Variants in PCSK5 observed in about 807,000 individuals in gnomAD.
PCSK5 encodes the protein prohormone convertase 5.
PCSK5 carries 129 observed loss-of-function variants against 233.2 expected under a neutral mutation model. That is an observed-to-expected ratio of 0.55 (90% CI 0.48 to 0.64). The LOEUF (loss-of-function observed/expected upper bound fraction) is 0.64. PCSK5 is among the 30% of genes least tolerant of loss of function. The probability of loss-of-function intolerance (pLI) is 0.00; values close to 1 mark genes in which losing one functional copy is unlikely to be tolerated. For synonymous variants in PCSK5, 825 were observed against 879.2 expected (o/e 0.94, Z 1.09); for missense variants, 2,076 against 2,430.1 (o/e 0.85, Z 3.06).
At chr9:76,026,588 CT>C (rs1343393396) in intron 4 of PCSK5, among the ~76,000 whole-genome samples, 1 of 152,076 alleles carries the variant, frequency 6.6e-6, no homozygotes, top group Non-Finnish European at 1.5e-5. Context: ...GAATAAATCA[CT>C]TTGTGCCTAG....
At chr9:75,977,246 G>A (rs891992044) in intron 2 of PCSK5, among the ~76,000 whole-genome samples, 12 of 151,976 alleles carry the variant, frequency 7.9e-5, no homozygotes, top group African/African-American at 2.7e-4. Flanking sequence ...TAAGTTCAGG[G>A]GTACTTGTGC....
At chr9:76,178,411 T>G (rs117912933) in intron 14 of PCSK5, among the ~76,000 whole-genome samples, 3,581 of 152,292 alleles carry the variant, frequency 0.024, 88 homozygotes, top group Non-Finnish European at 0.032. Context: ...TACCTAAGTA[T>G]CAGGGCCTAT....
At chr9:76,023,244 C>T (rs983381992) in intron 3 of PCSK5, among the ~76,000 whole-genome samples, 6 of 152,084 alleles carry the variant, frequency 3.9e-5, no homozygotes, top group African/African-American at 1.4e-4. Context: ...GAGCTGGTGG[C>T]GGAGAGATTT....
At position 76,317,261 on chromosome 9, in the gene PCSK5, G is replaced by T. The variant is rs373708614; in HGVS notation, c.3885-4161G>T. On this transcript the variant is annotated intron_variant, in intron 30 of 37. Transcript: ENST00000674117. ...GCCTGTAGTCCCAGCTACTCAGGAG[G>T]CTGAGGCAGGAGAATCACTTCAACC... 2.0e-5 allele frequency among the ~76,000 whole-genome samples: 3 copies of T among 152,272 alleles called. No individual in the cohort carries two copies. In the East Asian group the frequency reaches 5.8e-4, roughly 29 times the overall value.
chr9:76,194,046 T>C (rs1824562867), intron 20 of PCSK5: 1 of 152,418 alleles, frequency 6.6e-6, no homozygotes, highest in South Asian at 2.1e-4. Context: ...TACTGGCTTT[T>C]CCATTGTAGA....
intron 37 of PCSK5, among the ~76,000 whole-genome samples, chr9:76,354,938 C>G (rs1165690297): frequency 6.6e-6 from 1 of 152,194 alleles, no homozygotes; most frequent in African/African-American, 2.4e-5. Context: ...ATCAAGGAAG[C>G]TGATGTCAAT....
intron 11 of PCSK5, among the ~76,000 whole-genome samples, chr9:76,158,553 T>C (rs987836870): frequency 3.9e-5 from 6 of 152,156 alleles, no homozygotes; most frequent in Non-Finnish European, 1.5e-5. Context: ...CCCTTTATGC[T>C]AATCCCCAAG....
At chr9:76,244,907 G>C (rs959974812) in intron 24 of PCSK5, among the ~76,000 whole-genome samples, 1 of 152,146 alleles carries the variant, frequency 6.6e-6, no homozygotes, top group Non-Finnish European at 1.5e-5. Context: ...TCTGCTCCAA[G>C]AATATTTGAT....
At chr9:76,210,666 G>C (rs1825294849) in intron 20 of PCSK5, among the ~76,000 whole-genome samples, 1 of 152,216 alleles carries the variant, frequency 6.6e-6, no homozygotes, top group Non-Finnish European at 1.5e-5. Context: ...TTTTAGGTAG[G>C]AGAGTGGTCT....
At chr9:76,013,719 T>G (rs1198715903) in intron 3 of PCSK5, among the ~76,000 whole-genome samples, 1 of 152,212 alleles carries the variant, frequency 6.6e-6, no homozygotes, top group Non-Finnish European at 1.5e-5. Context: ...TATAACCTTG[T>G]GCTGCTTGAT....
intron 24 of PCSK5, among the ~76,000 whole-genome samples, chr9:76,262,476 A>G (rs1827208394): frequency 1.3e-5 from 2 of 151,402 alleles, no homozygotes; most frequent in Admixed American, 6.6e-5. Flanking sequence ...AATGCCACAT[A>G]TCTACAACTA....
At chr9:76,097,988 T>A (rs1401692432) in intron 8 of PCSK5, among the ~76,000 whole-genome samples, 1 of 152,216 alleles carries the variant, frequency 6.6e-6, no homozygotes, top group African/African-American at 2.4e-5. Flanking sequence ...TCTACGCAGG[T>A]TGGGGTCACT....
At chr9:76,190,768 T>C (rs1251406393) in intron 20 of PCSK5, among the ~76,000 whole-genome samples, 2 of 149,116 alleles carry the variant, frequency 1.3e-5, no homozygotes, top group Non-Finnish European at 3.0e-5. Context: ...GACCTAAGTA[T>C]AGAACTTAAT....
At chr9:76,200,142 T>C (rs770632914) in intron 20 of PCSK5, among the ~76,000 whole-genome samples, 3 of 152,170 alleles carry the variant, frequency 2.0e-5, no homozygotes, top group African/African-American at 4.8e-5. Flanking sequence ...CTACACAGCA[T>C]AGTGCCATTA....
At chr9:75,897,890 C>T (rs2131190620) in intron 1 of PCSK5, among the ~76,000 whole-genome samples, 1 of 152,212 alleles carries the variant, frequency 6.6e-6, no homozygotes, top group East Asian at 1.9e-4. Flanking sequence ...ATAATAGGCC[C>T]ATGAGGAATA....
intron 2 of PCSK5, among the ~76,000 whole-genome samples, chr9:75,961,841 T>G (rs955621287): frequency 1.3e-5 from 2 of 152,236 alleles, no homozygotes; most frequent in Admixed American, 1.3e-4. Flanking sequence ...TCATCTCAAC[T>G]GTTTCTTTTT....
chr9:76,331,819 A>G (rs1411700575), intron 33 of PCSK5, among the ~76,000 whole-genome samples: 2 of 152,206 alleles, frequency 1.3e-5, no homozygotes, highest in Non-Finnish European at 2.9e-5. Context: ...GGACTCTAGC[A>G]AGTGGAAAAG....
In PCSK5 at chr9:76,358,943, A is replaced by C; in HGVS notation, c.*21A>C. The C allele has an allele frequency of 1.9e-6, 3 of 1,601,268 alleles. No homozygotes were observed. The highest frequency in any genetic ancestry group is 2.6e-6 in the Non-Finnish European group (3 of 1,171,674). ...AGTAAACAGGCACTCCCCCACCAAC[A>C]CCACCATTCCACTCTCAGGCATGCC... On this transcript the variant is annotated 3_prime_UTR_variant, in exon 38 of 38. Coordinates refer to ENST00000674117, the MANE Select transcript of PCSK5 (RefSeq NM_001372043.1).
intron 9 of PCSK5, among the ~76,000 whole-genome samples, chr9:76,124,953 T>G (rs949761059): frequency 6.6e-6 from 1 of 152,086 alleles, no homozygotes; most frequent in Non-Finnish European, 1.5e-5. Flanking sequence ...TCCTTTTCCC[T>G]GCACTGTGTT....
Sources: gnomAD v4.1 joint callset for allele counts (sites outside exome capture counted in the v4.1 genomes callset) on GRCh38, gnomAD v4.1.1 for gene constraint, MANE v1.5 for transcripts, NCBI Gene and HGNC (gene_info 2026-07-23, HGNC 2026-07-21) for gene names.